The following MKRN1 variants were observed in gnomAD, a reference collection of about 807,000 sequenced individuals.
MKRN1 encodes the protein E3 ubiquitin-protein ligase makorin-1.
In MKRN1, 9 loss-of-function variants were observed where a neutral mutation model predicts 55.5. The observed-to-expected ratio is 0.16, with a 90% CI of 0.10 to 0.28. MKRN1 has a LOEUF of 0.28. Among genes scored for constraint, MKRN1 ranks in the 10% least tolerant of loss-of-function variants. The pLI is 1.00. For missense variants in MKRN1, 488 were observed against 626.7 expected, an observed-to-expected ratio of 0.78 and a Z score of 2.36; for synonymous variants, 253 against 235.9, an observed-to-expected ratio of 1.07 and a Z score of -0.66.
intron 2 of MKRN1, 29 bp downstream of exon 2, chr7:140,471,854 C>T: frequency 6.2e-7 from 1 of 1,608,692 alleles, no homozygotes; most frequent in Non-Finnish European, 8.5e-7. Flanking sequence ...CCAACCCACC[C>T]CTGAACAAAT....
At chr7:140,467,080 T>C (rs1429560462) in intron 2 of MKRN1, among the ~76,000 whole-genome samples, 1 of 151,710 alleles carries the variant, frequency 6.6e-6, no homozygotes, top group African/African-American at 2.4e-5. Flanking sequence ...CGGGTTCAAG[T>C]GATTCTCCTG....
intron 4 of MKRN1, among the ~76,000 whole-genome samples, chr7:140,457,741 T>C (rs1324575177): frequency 6.6e-6 from 1 of 151,978 alleles, no homozygotes; most frequent in Non-Finnish European, 1.5e-5. Context: ...AGAAGAGCAA[T>C]GTCATCCATA....
chr7:140,456,833 G>C lies in MKRN1; in HGVS notation c.805C>G (p.Leu269Val). Residue 269 changes from leucine to valine, a missense_variant, in exon 5 of 8, where the codon CTC becomes GTC. Around this residue, in one of 2 missense-constraint regions of MKRN1, gnomAD observed 278 missense variants for 406.7 expected, o/e 0.68. Coordinates refer to ENST00000255977, the MANE Select transcript of MKRN1 (RefSeq NM_013446.4). The stretch of plus-strand genomic sequence containing the variant: ...TTGCTGCGCTGCACGGCAAATGAGA[G>C]CTCCATGTCCTTCTCATGGGCCTCA... ...CIEAHEKDME[L>V]SFAVQRSKDM... The C allele has an allele frequency of 6.2e-7, 1 of 1,613,944 alleles. No individual in the cohort carries two copies. The highest frequency in any genetic ancestry group is 8.5e-7 in the Non-Finnish European group (1 of 1,179,892).
intron 2 of MKRN1, among the ~76,000 whole-genome samples, chr7:140,464,345 A>G (rs1472930841): frequency 6.6e-6 from 1 of 152,094 alleles, no homozygotes; most frequent in Non-Finnish European, 1.5e-5. Flanking sequence ...TTGAGGCTAT[A>G]GTGAGTCACG....
intron 1 of MKRN1, among the ~76,000 whole-genome samples, chr7:140,477,756 C>A (rs1795169667): frequency 6.6e-6 from 1 of 152,234 alleles, no homozygotes; most frequent in Non-Finnish European, 1.5e-5. Flanking sequence ...CCACGCCGAC[C>A]TAGCCACCCC....
At chr7:140,463,352 G>C (rs1794676453) in intron 2 of MKRN1, among the ~76,000 whole-genome samples, 2 of 152,120 alleles carry the variant, frequency 1.3e-5, no homozygotes, top group African/African-American at 4.8e-5. Flanking sequence ...TAGGTCTAAT[G>C]GGACTCTAAA....
At chr7:140,477,218 C>G (rs1346431869) in intron 1 of MKRN1, among the ~76,000 whole-genome samples, 9 of 152,014 alleles carry the variant, frequency 5.9e-5, no homozygotes, top group Non-Finnish European at 1.3e-4. Flanking sequence ...ACTAAAACCC[C>G]AGACCTATCA....
intron 2 of MKRN1, among the ~76,000 whole-genome samples, chr7:140,466,081 A>G (rs1292295076): frequency 6.6e-6 from 1 of 152,112 alleles, no homozygotes. Context: ...CTCCATCTCA[A>G]AAAAAACAAA....
At chr7:140,471,759 T>C in intron 2 of MKRN1, 124 bp downstream of exon 2, 1 of 1,355,226 alleles carries the variant, frequency 7.4e-7, no homozygotes, top group South Asian at 1.4e-5. Flanking sequence ...CATGAGCCAC[T>C]GCCCAGCCAA....
At chr7:140,466,725 A>T (rs1794778419) in intron 2 of MKRN1, among the ~76,000 whole-genome samples, 1 of 150,582 alleles carries the variant, frequency 6.6e-6, no homozygotes, top group South Asian at 2.1e-4. Context: ...AATGGCGTGA[A>T]CGTGGGAAGC....
At chr7:140,474,057 GAAAGAAAGAATAA>G (rs1795039217) in intron 1 of MKRN1, among the ~76,000 whole-genome samples, 1 of 144,886 alleles carries the variant, frequency 6.9e-6, no homozygotes, top group Non-Finnish European at 1.5e-5. Context: ...AAGAAAGAAA[GAAAGAAAGAATAA>G]AAGACTGTAG....
rs1429013751 is a variant in MKRN1 at position 140,456,877 on chromosome 7, T to C, written c.772-11A>G. 1.2e-6 allele frequency: 2 copies of C among 1,611,552 alleles called. No homozygotes were observed. The highest frequency in any genetic ancestry group is 1.7e-6 in the Non-Finnish European group (2 of 1,178,570). ...GGCCTCAATGCACGACTAGAGAAGG[T>C]GGAGAGAGAACAAGTGGAATCCAGT... On this transcript the variant is annotated splice_polypyrimidine_tract_variant and intron_variant, in intron 4 of 7. Transcript: ENST00000255977.
chr7:140,455,458 G>T (rs1166621774), intron 6 of MKRN1: 5 of 581,806 alleles, frequency 8.6e-6, no homozygotes, highest in Non-Finnish European at 1.5e-5. Context: ...AGTACAAGCA[G>T]ATGCCATAGA....
intron 2 of MKRN1, among the ~76,000 whole-genome samples, chr7:140,467,197 T>C (rs13438583): frequency 0.27 from 40,844 of 151,864 alleles, 9,346 homozygotes; most frequent in African/African-American, 0.63. Flanking sequence ...TGATATCAAA[T>C]TCCCGACCTC....
chr7:140,454,471 C>A lies in MKRN1; in HGVS notation c.*46G>T, dbSNP rs1362930237. 1.3e-6 allele frequency: 2 copies of A among 1,559,788 alleles called. No individual in the cohort carries two copies. Among genetic ancestry groups the A allele is most frequent in the African/African-American group, 2.7e-5 (2 of 74,058 alleles). The stretch of plus-strand genomic sequence containing the variant: ...ACTGCCACACCACCACAGGGGACAG[C>A]TGCTGTCTGAGGTCAGCAGACCAGT... On this transcript the variant is annotated 3_prime_UTR_variant, in exon 8 of 8. Coordinates refer to ENST00000255977, the MANE Select transcript of MKRN1 (RefSeq NM_013446.4).
chr7:140,454,810 G>A, intron 7 of MKRN1, 81 bp from the exon 8 acceptor site: 1 of 1,410,134 alleles, frequency 7.1e-7, no homozygotes, highest in Non-Finnish European at 1.0e-6. Context: ...AAAACGTCCA[G>A]CACACCAGAG....
intron 1 of MKRN1, among the ~76,000 whole-genome samples, chr7:140,476,517 ACTTTGT>A (rs535467637): frequency 5.7e-4 from 83 of 146,344 alleles, no homozygotes; most frequent in African/African-American, 2.0e-3. Context: ...TCTGTTAAGT[ACTTTGT>A]CTTTGGTAAT....
intron 2 of MKRN1, among the ~76,000 whole-genome samples, chr7:140,468,002 CAAA>C (rs566154288): frequency 5.6e-5 from 5 of 88,750 alleles, no homozygotes; most frequent in African/African-American, 8.1e-5. Context: ...AATTCTGTCT[CAAA>C]AAAAAAAAAA....
chr7:140,479,143 G>A lies in MKRN1; in HGVS notation c.185+17C>T. ...GCCCCCTCCCCGCGCCCGGCGCTCC[G>A]CCGCGCAACGTCCTACCTGCAGGTG... On this transcript the variant is annotated intron_variant, in intron 1 of 7. Coordinates refer to ENST00000255977, the MANE Select transcript of MKRN1 (RefSeq NM_013446.4). The A allele has an allele frequency of 2.3e-6, 3 of 1,319,428 alleles. No homozygotes were observed. The highest frequency in any genetic ancestry group is 2.9e-6 in the Non-Finnish European group (3 of 1,035,380). The allele number at this position is 1,319,428 out of a possible 1,614,324, so 81.7% of individuals were successfully genotyped here.
Sources: allele counts gnomAD v4.1 joint callset (sites outside exome capture counted in the v4.1 genomes callset), GRCh38; gene constraint gnomAD v4.1.1; regional missense constraint gnomAD v4.1.1; transcripts MANE v1.5; gene names NCBI Gene and HGNC (gene_info 2026-07-23, HGNC 2026-07-21).